The following ADCK1 variants were observed in gnomAD, a reference collection of about 807,000 sequenced individuals.
ADCK1 encodes the protein aarF domain containing kinase 1.
A neutral mutation model predicts 52.3 loss-of-function variants in ADCK1; 41 were observed. The observed-to-expected ratio is 0.78, with a 90% CI of 0.61 to 1.02. ADCK1 has a LOEUF of 1.02. Ranked by LOEUF, ADCK1 falls within the 50% of genes least tolerant of loss-of-function variation. The pLI is 0.00. For synonymous variants in ADCK1, 250 were observed against 274.6 expected (o/e 0.91, Z 0.89); for missense variants, 658 against 679.5 (o/e 0.97, Z 0.35).
chr14:77,894,736 G>GTTTTTTTTT lies in ADCK1; in HGVS notation c.583-4344_583-4336dup. Among the ~76,000 whole-genome samples, 21 of 36,472 alleles carry GTTTTTTTTT rather than the reference G, an allele frequency of 5.8e-4. 2 individuals are homozygous for GTTTTTTTTT. The highest frequency in any genetic ancestry group is 8.3e-4 in the African/African-American group (11 of 13,284). 23.9% of individuals were successfully genotyped at this position (36,472 alleles called of 152,430 possible). ...TTATTTCTTTTTCTTTTCTTTTCTT[G>GTTTTTTTTT]TTTTTTTTTTTTTTTTTTTTTTTTT... On this transcript the variant is annotated intron_variant, in intron 5 of 10. Coordinates refer to ENST00000238561, the MANE Select transcript of ADCK1 (RefSeq NM_020421.4).
At chr14:77,850,963 C>CT (rs908677598) in intron 3 of ADCK1, among the ~76,000 whole-genome samples, 10 of 150,732 alleles carry the variant, frequency 6.6e-5, no homozygotes, top group Middle Eastern at 3.4e-3. Context: ...CCCGATGTAT[C>CT]TTTTTTTTTA....
chr14:77,866,096 A>G (rs2082654815), intron 4 of ADCK1, among the ~76,000 whole-genome samples: 1 of 152,194 alleles, frequency 6.6e-6, no homozygotes, highest in Non-Finnish European at 1.5e-5. Context: ...CTGTGTGAAC[A>G]TCATAGAGTA....
At chr14:77,880,031 C>T (rs951228807) in intron 4 of ADCK1, among the ~76,000 whole-genome samples, 14 of 152,214 alleles carry the variant, frequency 9.2e-5, no homozygotes, top group African/African-American at 2.4e-4. Context: ...GGCAGTTTGA[C>T]CTAGAGCCTG....
Position 77,925,893 on chromosome 14 carries a change from A to G in ADCK1, c.1138A>G (p.Met380Val), listed in dbSNP as rs778792503. 2.5e-6 allele frequency: 4 copies of G among 1,614,100 alleles called. No homozygotes were observed. In the East Asian group the frequency reaches 6.7e-5, roughly 27 times the overall value. Reference protein sequence around the residue: ...AGDLYPLFACMLTARSWDSVN... With the variant: ...AGDLYPLFACVLTARSWDSVN... Reference sequence around the variant, plus strand: ...GGATCTCTACCCCTTGTTTGCCTGCATGCTGACGGCGCGATCGTGGGACTC... The same window carrying G: ...GGATCTCTACCCCTTGTTTGCCTGCGTGCTGACGGCGCGATCGTGGGACTC... Residue 380 changes from methionine to valine, a missense_variant, in exon 9 of 11, where the codon ATG (methionine) becomes GTG (valine). By Grantham distance (21) the Met-to-Val change is conservative. Coordinates refer to ENST00000238561, the MANE Select transcript of ADCK1 (RefSeq NM_020421.4).
At chr14:77,809,780 A>G (rs910009746) in intron 1 of ADCK1, among the ~76,000 whole-genome samples, 13 of 150,848 alleles carry the variant, frequency 8.6e-5, no homozygotes, top group Non-Finnish European at 1.5e-4. Flanking sequence ...CAGGCCTGTA[A>G]TCCCAGCACT....
At chr14:77,840,766 T>G (rs1408334787) in intron 3 of ADCK1, among the ~76,000 whole-genome samples, 1 of 151,820 alleles carries the variant, frequency 6.6e-6, no homozygotes, top group Non-Finnish European at 1.5e-5. Flanking sequence ...GAGAATAGCT[T>G]GAACCAGGGA....
intron 3 of ADCK1, among the ~76,000 whole-genome samples, chr14:77,825,214 G>T (rs1034128649): frequency 1.3e-5 from 2 of 151,976 alleles, no homozygotes; most frequent in Non-Finnish European, 2.9e-5. Context: ...TTGATTTTTC[G>T]ATCTGTATCT....
chr14:77,931,862 A>C, intron 10 of ADCK1, 151 bp downstream of exon 10: 1 of 908,292 alleles, frequency 1.1e-6, no homozygotes, highest in Non-Finnish European at 1.6e-6. Context: ...TTAAAGTTTG[A>C]AATGTTTTCT....
At chr14:77,823,003 C>G (rs760520104) in intron 3 of ADCK1, among the ~76,000 whole-genome samples, 11 of 152,140 alleles carry the variant, frequency 7.2e-5, no homozygotes, top group Non-Finnish European at 1.3e-4. Flanking sequence ...TTTTGTCAGG[C>G]AAAACCCAGT....
At position 77,921,326 on chromosome 14, in the gene ADCK1, C is replaced by CAAAAAAAAAAAAAAAAAAAAAA. The variant is rs756056466; in HGVS notation, c.859-3130_859-3109dup. On this transcript the variant is annotated intron_variant, in intron 7 of 10. Transcript: ENST00000238561. ...TGGGCGACAGAGTGAGACTCTGTCT[C>CAAAAAAAAAAAAAAAAAAAAAA]AAAAAAAAAAAAAAAAAAAAAAGAA... Among the ~76,000 whole-genome samples the CAAAAAAAAAAAAAAAAAAAAAA allele has an allele frequency of 9.2e-4, 38 of 41,208 alleles. 1 individual carries two copies. The highest frequency in any genetic ancestry group is 2.4e-3 in the South Asian group (1 of 414). 27.0% of individuals were successfully genotyped at this position (41,208 alleles called of 152,430 possible). A position where few individuals can be genotyped will look rare whatever the true frequency, so the allele number is the denominator to read the frequency against.
chr14:77,886,941 CGCACA>C lies in ADCK1; in HGVS notation c.424-149_424-145del, dbSNP rs1287684411. 4.5e-3 allele frequency: 2,509 copies of C among 561,970 alleles called. 15 individuals carry two copies. The highest frequency in any genetic ancestry group is 0.04 in the African/African-American group (1,281 of 31,686). The allele number at this position is 561,970 out of a possible 1,614,324, so 34.8% of individuals were successfully genotyped here. On this transcript the variant is annotated intron_variant, in intron 4 of 10. Coordinates refer to ENST00000238561, the MANE Select transcript of ADCK1 (RefSeq NM_020421.4). ...ACACACACACACACACACACACACA[CGCACA>C]ACACACACACACACTCTCTCTCTCT...
chr14:77,821,891 G>GA (rs35265585), intron 2 of ADCK1, among the ~76,000 whole-genome samples: 71,382 of 109,532 alleles, frequency 0.65, 24,115 homozygotes, highest in Admixed American at 0.74. Context: ...CTCTGTCTCA[G>GA]AAAAAAAAAA....
chr14:77,843,908 A>G (rs2082124284), intron 3 of ADCK1, among the ~76,000 whole-genome samples: 1 of 152,154 alleles, frequency 6.6e-6, no homozygotes, highest in Non-Finnish European at 1.5e-5. Flanking sequence ...AGATACCCCC[A>G]TCTGCCACCT....
chr14:77,895,938 C>T (rs1214382972), intron 5 of ADCK1, among the ~76,000 whole-genome samples: 1 of 152,120 alleles, frequency 6.6e-6, no homozygotes, highest in Non-Finnish European at 1.5e-5. Context: ...GACTTCTATT[C>T]AAAGAACCCC....
intron 3 of ADCK1, among the ~76,000 whole-genome samples, chr14:77,849,646 C>G (rs2082243280): frequency 6.6e-6 from 1 of 151,838 alleles, no homozygotes; most frequent in African/African-American, 2.4e-5. Flanking sequence ...AAGATGGGCT[C>G]TCATTATGTT....
chr14:77,853,730 C>G (rs935534910), intron 3 of ADCK1, among the ~76,000 whole-genome samples: 1 of 152,144 alleles, frequency 6.6e-6, no homozygotes, highest in African/African-American at 2.4e-5. Context: ...TTCCTGGACT[C>G]AGACAATTTT....
chr14:77,900,568 C>T (rs772612838), intron 6 of ADCK1: 1 of 455,234 alleles, frequency 2.2e-6, no homozygotes, highest in Non-Finnish European at 4.4e-6. Flanking sequence ...GCCTGGGCAA[C>T]AGAGCGAGAC....
At position 77,894,736 on chromosome 14, in the gene ADCK1, G is replaced by GTTTTTTTTTTTTTTTTTTTTTT; in HGVS notation, c.583-4357_583-4336dup. On this transcript the variant is annotated intron_variant, in intron 5 of 10. Transcript: ENST00000238561. ...TTATTTCTTTTTCTTTTCTTTTCTTGTTTTTTTTTTTTTTTTTTTTTTTTT... is the reference window on the plus strand; with the variant it reads ...TTATTTCTTTTTCTTTTCTTTTCTTGTTTTTTTTTTTTTTTTTTTTTTTTTTTTTTTTTTTTTTTTTTTTTTT... 8.5e-4 allele frequency among the ~76,000 whole-genome samples: 31 copies of GTTTTTTTTTTTTTTTTTTTTTT among 36,476 alleles called. 6 individuals carry two copies. Among genetic ancestry groups the GTTTTTTTTTTTTTTTTTTTTTT allele is most frequent in the South Asian group, 1.7e-3 (1 of 606 alleles). The allele number at this position is 36,476 out of a possible 152,430, so 23.9% of individuals were successfully genotyped here.
At chr14:77,843,400 C>A (rs12100847) in intron 3 of ADCK1, among the ~76,000 whole-genome samples, 6,678 of 152,288 alleles carry the variant, frequency 0.044, 301 homozygotes, top group African/African-American at 0.11. Context: ...ACTCTTCTAG[C>A]CGCTGAACAA....
Sources: allele counts gnomAD v4.1 joint callset (sites outside exome capture counted in the v4.1 genomes callset), GRCh38; gene constraint gnomAD v4.1.1; transcripts MANE v1.5; gene names NCBI Gene and HGNC (gene_info 2026-07-23, HGNC 2026-07-21).